Variants in MAGI1 observed in about 807,000 individuals in gnomAD.
MAGI1 encodes membrane associated guanylate kinase, WW and PDZ domain containing 1, also known as membrane-associated guanylate kinase, WW and PDZ domain-containing protein 1.
In MAGI1, 58 loss-of-function variants were observed where a neutral mutation model predicts 139.9. The ratio of observed to expected loss-of-function variants is 0.41; its 90% CI spans 0.34 to 0.52. The LOEUF (loss-of-function observed/expected upper bound fraction) is 0.52, where lower values mean the gene tolerates loss of function less well. Ranked by LOEUF, MAGI1 falls within the 20% of genes least tolerant of loss-of-function variation. The pLI is 0.12. For missense variants in MAGI1, 1,874 were observed against 1,901.6 expected, an observed-to-expected ratio of 0.99 and a Z score of 0.27; for synonymous variants, 812 against 737.9, an observed-to-expected ratio of 1.10 and a Z score of -1.63.
intron 1 of MAGI1, among the ~76,000 whole-genome samples, chr3:66,025,694 G>C (rs879918800): frequency 2.6e-5 from 4 of 152,170 alleles, no homozygotes; most frequent in Non-Finnish European, 5.9e-5. Context: ...GTTTCTGTTT[G>C]TGTATGTGTG....
chr3:65,391,670 T>C (rs908007578), intron 13 of MAGI1, among the ~76,000 whole-genome samples: 1 of 152,206 alleles, frequency 6.6e-6, no homozygotes, highest in South Asian at 2.1e-4. Context: ...TACTGCAAGA[T>C]GGATCAGTTT....
intron 1 of MAGI1, among the ~76,000 whole-genome samples, chr3:65,986,476 A>G (rs552488303): frequency 6.6e-6 from 1 of 152,354 alleles, no homozygotes; most frequent in Non-Finnish European, 1.5e-5. Flanking sequence ...GGGCAGGAGC[A>G]GGACAGCCAG....
intron 1 of MAGI1, among the ~76,000 whole-genome samples, chr3:65,845,902 A>T (rs2058975975): frequency 6.6e-6 from 1 of 152,224 alleles, no homozygotes; most frequent in South Asian, 2.1e-4. Context: ...TCCGCCAGAC[A>T]AGTTAACCTG....
rs887152087 is a variant in MAGI1, at chr3:65,960,623, A to G, written c.313+77373T>C. Among the ~76,000 whole-genome samples the G allele has an allele frequency of 2.0e-5, 3 of 152,302 alleles. No homozygotes were observed. In the South Asian group the frequency reaches 6.2e-4, roughly 32 times the overall value. ...TGCGTAATCCTAATTTAATTATAAT[A>G]TTTTTTCCTATAATCAGAGAGGAGA... On this transcript the variant is annotated intron_variant, in intron 1 of 22. Transcript: ENST00000402939.
Position 66,030,502 on chromosome 3 carries a change from A to G in MAGI1, c.313+7494T>C, listed in dbSNP as rs79955331. On this transcript the variant is annotated intron_variant, in intron 1 of 22. Coordinates refer to ENST00000402939, the MANE Select transcript of MAGI1 (RefSeq NM_001033057.2). ...GAGAAAGAGGTAAAATAAGAAATTT[A>G]CTTGTGGTGAAGCGATCTACATACT... Among the ~76,000 whole-genome samples, 90 of 152,316 alleles carry G rather than the reference A, an allele frequency of 5.9e-4. 1 individual carries two copies. In the East Asian group the frequency reaches 0.017, roughly 28 times the overall value.
At chr3:65,579,711 G>C (rs1196657734) in intron 2 of MAGI1, among the ~76,000 whole-genome samples, 3 of 152,042 alleles carry the variant, frequency 2.0e-5, no homozygotes, top group African/African-American at 7.2e-5. Context: ...GCCGGGAGTG[G>C]TGACAGGAGC....
chr3:65,660,832 A>C (rs567319348), intron 1 of MAGI1, among the ~76,000 whole-genome samples: 1 of 152,290 alleles, frequency 6.6e-6, no homozygotes, highest in Admixed American at 6.5e-5. Flanking sequence ...AGCTATTACA[A>C]TACTTTGGAC....
At chr3:65,909,890 T>TA (rs2061587965) in intron 1 of MAGI1, among the ~76,000 whole-genome samples, 1 of 152,198 alleles carries the variant, frequency 6.6e-6, no homozygotes, top group Non-Finnish European at 1.5e-5. Context: ...GGGGATGGTT[T>TA]GGGGACGAAA....
chr3:65,507,354 A>T (rs1328310266), intron 2 of MAGI1, among the ~76,000 whole-genome samples: 1 of 152,238 alleles, frequency 6.6e-6, no homozygotes, highest in East Asian at 1.9e-4. Flanking sequence ...AAAAACTCAA[A>T]CATTCAAAAA....
At chr3:65,491,750 C>T (rs1219299268) in intron 3 of MAGI1, among the ~76,000 whole-genome samples, 6 of 151,724 alleles carry the variant, frequency 4.0e-5, no homozygotes, top group Non-Finnish European at 7.4e-5. Flanking sequence ...GACCCCTGCC[C>T]AGCCCACCAG....
intron 2 of MAGI1, among the ~76,000 whole-genome samples, chr3:65,582,934 T>C (rs1880521): frequency 0.58 from 88,220 of 152,142 alleles, 27,915 homozygotes; most frequent in East Asian, 0.9. Context: ...AACACAGACA[T>C]AATGTAAACC....
At chr3:65,392,476 A>G (rs960053138) in intron 13 of MAGI1, among the ~76,000 whole-genome samples, 2 of 152,186 alleles carry the variant, frequency 1.3e-5, no homozygotes, top group Admixed American at 6.5e-5. Context: ...ATTCTCTTTT[A>G]TAGATCCTGT....
chr3:65,359,178 A>G, intron 22 of MAGI1: 2 of 1,611,394 alleles, frequency 1.2e-6, no homozygotes, highest in Non-Finnish European at 1.7e-6. Context: ...CCCAGCACCA[A>G]GAACAGTCAG....
At chr3:66,023,678 C>G (rs1449559765) in intron 1 of MAGI1, among the ~76,000 whole-genome samples, 1 of 152,218 alleles carries the variant, frequency 6.6e-6, no homozygotes, top group Non-Finnish European at 1.5e-5. Context: ...AAAGTCCAAA[C>G]AAGTTGTATT....
At position 65,356,661 on chromosome 3, in the gene MAGI1, C is replaced by A. The variant is rs747802043; in HGVS notation, c.4106G>T (p.Arg1369Leu). 2 of 1,582,932 alleles carry A rather than the reference C, an allele frequency of 1.3e-6. No individual in the cohort carries two copies. The highest frequency in any genetic ancestry group is 2.3e-5 in the South Asian group (2 of 86,240). The change falls in exon 23 of 23, where the codon CGG becomes CTG. Residue 1369 changes from arginine (R) to leucine (L), a missense_variant. Physicochemically the swap from Arg to Leu is moderately radical, Grantham distance 102 (BLOSUM62 -2). Coordinates refer to ENST00000402939, the MANE Select transcript of MAGI1 (RefSeq NM_001033057.2). ...PTRRRDGSPS[R>L]RRRSLERLLE... ...GAGTCTCTCCAGAGACCGTCTCCGC[C>A]GGCTGGGGGAGCCGTCTCTCCTGCG... is the stretch of plus-strand genomic sequence containing the variant.
chr3:65,691,306 A>AAAAAAAAAAAAAAAAAAAAAAAG (rs2088625107), intron 1 of MAGI1, among the ~76,000 whole-genome samples: 1 of 151,018 alleles, frequency 6.6e-6, no homozygotes, highest in Non-Finnish European at 1.5e-5. Context: ...CCGTCTCAAA[A>AAAAAAAAAAAAAAAAAAAAAAAG]AAAAAAAAAG....
chr3:65,431,870 G>A (rs1299950851), intron 10 of MAGI1, among the ~76,000 whole-genome samples: 1 of 152,066 alleles, frequency 6.6e-6, no homozygotes, highest in East Asian at 1.9e-4. Context: ...GTGGATGCCT[G>A]TAATCCCAGC....
chr3:65,953,888 T>C (rs948175200), intron 1 of MAGI1, among the ~76,000 whole-genome samples: 1 of 152,206 alleles, frequency 6.6e-6, no homozygotes, highest in Non-Finnish European at 1.5e-5. Flanking sequence ...TTAGGACAGA[T>C]AGACTCAATA....
chr3:65,442,707 T>C, intron 8 of MAGI1, 85 bp downstream of exon 8: 1 of 919,364 alleles, frequency 1.1e-6, no homozygotes, highest in Non-Finnish European at 1.7e-6. Flanking sequence ...TTGTGCCTTA[T>C]AATGATGTCA....
Sources: allele counts gnomAD v4.1 joint callset (sites outside exome capture counted in the v4.1 genomes callset), GRCh38; gene constraint gnomAD v4.1.1; transcripts MANE v1.5; gene names NCBI Gene and HGNC (gene_info 2026-07-23, HGNC 2026-07-21).